Variants in CDH4 observed in about 807,000 individuals in gnomAD.
CDH4 encodes the protein cadherin 4, also known as cadherin-4.
Under a neutral mutation model 86.0 loss-of-function variants are expected in CDH4, and 33 were observed. That is an observed-to-expected ratio of 0.38 (90% CI 0.29 to 0.51). CDH4 has a LOEUF of 0.51. Ranked by LOEUF, CDH4 falls within the 20% of genes least tolerant of loss-of-function variation. The pLI is 0.86. For missense variants in CDH4, 1,114 were observed against 1,307.4 expected, an observed-to-expected ratio of 0.85 and a Z score of 2.28; for synonymous variants, 555 against 549.4, an observed-to-expected ratio of 1.01 and a Z score of -0.14.
intron 2 of CDH4, among the ~76,000 whole-genome samples, chr20:61,533,796 T>C (rs2085974166): frequency 6.6e-6 from 1 of 152,208 alleles, no homozygotes; most frequent in Admixed American, 6.5e-5. Flanking sequence ...GGAGCCTAAT[T>C]ACCCACAACC....
chr20:61,760,299 A>C (rs780888521), intron 3 of CDH4, among the ~76,000 whole-genome samples: 1 of 152,232 alleles, frequency 6.6e-6, no homozygotes, highest in Non-Finnish European at 1.5e-5. Flanking sequence ...TTGCCTAAAG[A>C]ACCAACTCTA....
chr20:61,934,553 TCAGCGGGGCGA>T (rs1388798129), intron 15 of CDH4, among the ~76,000 whole-genome samples: 4 of 152,192 alleles, frequency 2.6e-5, no homozygotes, highest in African/African-American at 4.8e-5. Context: ...AGGAGGAGAA[TCAGCGGGGCGA>T]CGGCGGGGAA....
At chr20:61,722,149 A>T (rs527482753) in intron 2 of CDH4, among the ~76,000 whole-genome samples, 1 of 152,310 alleles carries the variant, frequency 6.6e-6, no homozygotes, top group African/African-American at 2.4e-5. Flanking sequence ...TTATTTTGGA[A>T]GTATCCATTA....
intron 2 of CDH4, among the ~76,000 whole-genome samples, chr20:61,434,258 G>A (rs970210070): frequency 6.6e-6 from 1 of 152,132 alleles, no homozygotes; most frequent in Non-Finnish European, 1.5e-5. Context: ...AATGGTGCTC[G>A]TTAGACTTTG....
chr20:61,383,004 G>A (rs1220859892), intron 2 of CDH4, among the ~76,000 whole-genome samples: 1 of 148,718 alleles, frequency 6.7e-6, no homozygotes, highest in Non-Finnish European at 1.5e-5. Context: ...GTGTATCATG[G>A]TGGGGGAGTG....
chr20:61,706,929 G>A (rs944267982), intron 2 of CDH4, among the ~76,000 whole-genome samples: 1 of 152,238 alleles, frequency 6.6e-6, no homozygotes, highest in African/African-American at 2.4e-5. Flanking sequence ...TGTGGCACGT[G>A]GTGGGGGCCC....
At chr20:61,548,847 G>A (rs1242664433) in intron 2 of CDH4, among the ~76,000 whole-genome samples, 1 of 152,184 alleles carries the variant, frequency 6.6e-6, no homozygotes, top group East Asian at 1.9e-4. Flanking sequence ...GCAGGTGATT[G>A]GAACATTATC....
At chr20:61,563,532 C>A (rs1479601229) in intron 2 of CDH4, among the ~76,000 whole-genome samples, 1 of 152,208 alleles carries the variant, frequency 6.6e-6, no homozygotes, top group Non-Finnish European at 1.5e-5. Context: ...AGGGTGGTAG[C>A]TGCTGCTCCA....
At chr20:61,889,753 G>GATGC (rs1241459146) in intron 7 of CDH4, among the ~76,000 whole-genome samples, 3 of 150,666 alleles carry the variant, frequency 2.0e-5, no homozygotes, top group Admixed American at 1.3e-4. Flanking sequence ...TGGATGGATG[G>GATGC]ATGCATGGAT....
chr20:61,872,829 G>T (rs1040622431), intron 6 of CDH4, among the ~76,000 whole-genome samples: 2 of 152,236 alleles, frequency 1.3e-5, no homozygotes, highest in African/African-American at 4.8e-5. Context: ...CCTCCACCGG[G>T]TACAGCGCTA....
rs2085838163 is a variant in CDH4 at position 61,518,193 on chromosome 20, T to C, written c.170-225370T>C. 6.6e-6 allele frequency among the ~76,000 whole-genome samples: 1 copy of C among 152,198 alleles called. No individual in the cohort carries two copies. The highest frequency in any genetic ancestry group is 1.5e-5 in the Non-Finnish European group (1 of 68,020). ...TGGGTGTTTATTCTGCCATCATCCC[T>C]TTATCGAACACCACCAGTTCCTAGG... On this transcript the variant is annotated intron_variant, in intron 2 of 15. Transcript: ENST00000614565. This position sits in a 1 kb window ranked among gnomAD's most constrained non-coding sequence, Gnocchi z 6.3.
chr20:61,560,298 G>A (rs1200206527), intron 2 of CDH4, among the ~76,000 whole-genome samples: 3 of 152,192 alleles, frequency 2.0e-5, no homozygotes, highest in South Asian at 2.1e-4. Flanking sequence ...ACATGTGCAG[G>A]TTTGTTTATT....
chr20:61,292,256 G>A (rs1332541373), intron 2 of CDH4, among the ~76,000 whole-genome samples: 2 of 152,200 alleles, frequency 1.3e-5, no homozygotes, highest in African/African-American at 4.8e-5. Context: ...GTGACAGATT[G>A]GAGAAGAATA....
chr20:61,275,572 G>A (rs1458560500), intron 2 of CDH4, among the ~76,000 whole-genome samples: 8 of 133,432 alleles, frequency 6.0e-5, no homozygotes, highest in Admixed American at 1.6e-4. Flanking sequence ...AGTACCCTGC[G>A]CAGTTTGGGG....
chr20:61,547,265 T>G (rs868314211), intron 2 of CDH4, among the ~76,000 whole-genome samples: 4 of 135,760 alleles, frequency 2.9e-5, no homozygotes, highest in Non-Finnish European at 6.1e-5. Context: ...CAGGCTGGAG[T>G]GCAGTGGCTG....
Position 61,806,372 on chromosome 20 carries a change from C to T in CDH4, c.576+33190C>T, listed in dbSNP as rs534027646. 2.0e-4 allele frequency among the ~76,000 whole-genome samples: 30 copies of T among 152,304 alleles called. No homozygotes were observed. In the East Asian group the frequency reaches 3.7e-3, roughly 19 times the overall value. On this transcript the variant is annotated intron_variant, in intron 4 of 15. Coordinates refer to ENST00000614565, the MANE Select transcript of CDH4 (RefSeq NM_001794.5). Reference sequence around the variant, plus strand: ...GGAGACCAGGCACCACCACCTCCCACGGGGTTAGGAACACACGGGGAGGAC... The same window carrying T: ...GGAGACCAGGCACCACCACCTCCCATGGGGTTAGGAACACACGGGGAGGAC...
At chr20:61,356,784 G>A (rs752593293) in intron 2 of CDH4, among the ~76,000 whole-genome samples, 7 of 152,300 alleles carry the variant, frequency 4.6e-5, no homozygotes, top group South Asian at 2.1e-4. Context: ...TTAAGCCAAA[G>A]CAATGGAACA....
chr20:61,755,362 CACACACCA>C (rs2088549986), intron 3 of CDH4, among the ~76,000 whole-genome samples: 1 of 142,724 alleles, frequency 7.0e-6, no homozygotes, highest in African/African-American at 2.7e-5. Context: ...GTGCATGCCA[CACACACCA>C]CACACACACA....
At chr20:61,405,590 G>A (rs1216123221) in intron 2 of CDH4, among the ~76,000 whole-genome samples, 1 of 152,072 alleles carries the variant, frequency 6.6e-6, no homozygotes, top group Admixed American at 6.5e-5. Flanking sequence ...TGAGGCTGAA[G>A]TAGAAATAGA....
Sources: allele counts gnomAD v4.1 joint callset (sites outside exome capture counted in the v4.1 genomes callset), GRCh38; gene constraint gnomAD v4.1.1; non-coding constraint Gnocchi (gnomAD v3.1); transcripts MANE v1.5; gene names NCBI Gene and HGNC (gene_info 2026-07-23, HGNC 2026-07-21).